SNX31: variants seen among roughly 807,000 people sequenced by gnomAD.
SNX31 encodes the protein sorting nexin 31.
Under a neutral mutation model 65.4 loss-of-function variants are expected in SNX31, and 58 were observed. The ratio of observed to expected loss-of-function variants is 0.89; its 90% CI spans 0.72 to 1.10. The LOEUF is 1.10. SNX31 is among the 50% of genes least tolerant of loss of function. The pLI is 0.00. For synonymous variants in SNX31, 181 were observed against 190.1 expected (o/e 0.95, Z 0.39); for missense variants, 523 against 529.7 (o/e 0.99, Z 0.12).
chr8:100,632,109 G>C (rs912479928), intron 3 of SNX31, among the ~76,000 whole-genome samples: 4 of 152,142 alleles, frequency 2.6e-5, no homozygotes, highest in African/African-American at 7.2e-5. Flanking sequence ...TTGACACTGG[G>C]TCTGATTTGA....
intron 9 of SNX31, among the ~76,000 whole-genome samples, chr8:100,597,310 C>T (rs969735697): frequency 6.6e-6 from 1 of 151,778 alleles, no homozygotes. Flanking sequence ...GGCACGATCT[C>T]GGCTCACTGC....
At chr8:100,579,114 T>G (rs542064312) in intron 12 of SNX31, among the ~76,000 whole-genome samples, 136 of 152,284 alleles carry the variant, frequency 8.9e-4, no homozygotes, top group African/African-American at 3.2e-3. Context: ...TATTATTATT[T>G]TACAGTGTTA....
intron 4 of SNX31, among the ~76,000 whole-genome samples, chr8:100,623,694 C>T (rs530530311): frequency 6.6e-6 from 1 of 152,290 alleles, no homozygotes; most frequent in Admixed American, 6.5e-5. Flanking sequence ...TTGTGCAATT[C>T]TCCTTCCAGA....
rs1809764950 is a variant in SNX31, at chr8:100,660,536, CCTGCAATGTCA to C, written c.-58+2595_-58+2605del. ...TTTTACACAAGAGATCAAACCAGGT[CCTGCAATGTCA>C]CTCAGCACGGGGCTCTAACTCAAGT... On this transcript the variant is annotated intron_variant, in intron 1 of 5. Coordinates refer to the SNX31 transcript ENST00000520352. This position sits in a 1 kb window ranked among gnomAD's most constrained non-coding sequence, Gnocchi z 4.1. Among the ~76,000 whole-genome samples the C allele has an allele frequency of 1.3e-5, 2 of 152,160 alleles. No individual in the cohort carries two copies. Among genetic ancestry groups the C allele is most frequent in the South Asian group, 4.1e-4 (2 of 4,836 alleles).
chr8:100,650,019 G>A (rs1172836602), upstream of SNX31, among the ~76,000 whole-genome samples: 2 of 151,904 alleles, frequency 1.3e-5, no homozygotes, highest in African/African-American at 2.4e-5. Flanking sequence ...CCTTGCTTTC[G>A]TATTATTCTT....
chr8:100,600,292 AAT>A (rs1191413729), intron 9 of SNX31, 55 bp downstream of exon 9: 25 of 1,434,542 alleles, frequency 1.7e-5, no homozygotes, highest in Non-Finnish European at 3.9e-6. Context: ...GTTCAATTCT[AAT>A]ATGTTTCTTT....
At chr8:100,640,659 G>A (rs1278707865) in intron 2 of SNX31, among the ~76,000 whole-genome samples, 1 of 152,188 alleles carries the variant, frequency 6.6e-6, no homozygotes, top group African/African-American at 2.4e-5. Context: ...TGTGATTAGT[G>A]CGGCACTTTA....
At chr8:100,617,852 C>G (rs1012122710) in intron 4 of SNX31, 122 bp from the exon 5 acceptor site, 22 of 771,648 alleles carry the variant, frequency 2.9e-5, no homozygotes, top group African/African-American at 2.7e-4. Context: ...GCAACCTCTG[C>G]CTCCTGGGTT....
At position 100,578,876 on chromosome 8, in the gene SNX31, C is replaced by T. The variant is rs1813270329; in HGVS notation, c.1171-1801G>A. ...AGCTAGGAATACAGGTACGCGCCAC[C>T]ATGCCCATCTAATTTTTGTATTTTT... On this transcript the variant is annotated intron_variant, in intron 12 of 13. Coordinates refer to ENST00000311812, the MANE Select transcript of SNX31 (RefSeq NM_152628.4). The surrounding 1 kb of genome is among the most constrained non-coding windows in gnomAD (Gnocchi z 4.7). Among the ~76,000 whole-genome samples the T allele has an allele frequency of 6.6e-6, 1 of 152,018 alleles. No homozygotes were observed. Among genetic ancestry groups the T allele is most frequent in the Non-Finnish European group, 1.5e-5 (1 of 68,004 alleles).
Position 100,602,259 on chromosome 8 carries a change from C to A in SNX31, c.682-1818G>T, listed in dbSNP as rs537188366. On this transcript the variant is annotated intron_variant, in intron 8 of 13. Coordinates refer to ENST00000311812, the MANE Select transcript of SNX31 (RefSeq NM_152628.4). ...TATTGGCAGGCTATGCTTTATCTCC[C>A]AGAGAAGAATGAAAAGCTAAATACG... Among the ~76,000 whole-genome samples, 13 of 152,316 alleles carry A rather than the reference C, an allele frequency of 8.5e-5. No individual in the cohort carries two copies. In the South Asian group the frequency reaches 2.7e-3, roughly 32 times the overall value.
intron 10 of SNX31, among the ~76,000 whole-genome samples, chr8:100,593,108 T>C (rs959763654): frequency 6.6e-6 from 1 of 152,220 alleles, no homozygotes; most frequent in Non-Finnish European, 1.5e-5. Context: ...ATTGTGGTGA[T>C]GGCTGCACAA....
intron 2 of SNX31, among the ~76,000 whole-genome samples, chr8:100,643,057 G>A (rs1819370218): frequency 6.6e-6 from 1 of 152,058 alleles, no homozygotes; most frequent in Non-Finnish European, 1.5e-5. Context: ...CAGGTGTGGT[G>A]GCAGGCACTT....
upstream of SNX31, among the ~76,000 whole-genome samples, chr8:100,652,071 C>T (rs181506487): frequency 6.6e-6 from 1 of 152,128 alleles, no homozygotes; most frequent in Non-Finnish European, 1.5e-5. Context: ...CTCCACCTCC[C>T]GGGTTCATGC....
chr8:100,645,673 G>A (rs1019204925), intron 2 of SNX31, among the ~76,000 whole-genome samples: 1 of 141,850 alleles, frequency 7.0e-6, no homozygotes, highest in Non-Finnish European at 1.5e-5. Context: ...GTGCAGTGGC[G>A]CAATCTGAGC....
intron 8 of SNX31, among the ~76,000 whole-genome samples, chr8:100,603,025 C>G (rs759703799): frequency 5.3e-5 from 8 of 151,988 alleles, no homozygotes; most frequent in Non-Finnish European, 7.4e-5. Flanking sequence ...GATGACCCAG[C>G]GAGTAAGTGG....
rs371449308 is a variant in SNX31 at position 100,578,729 on chromosome 8, A to ATT, written c.1171-1656_1171-1655dup. Among the ~76,000 whole-genome samples the ATT allele has an allele frequency of 1.4e-5, 2 of 142,778 alleles. No individual in the cohort carries two copies. The highest frequency in any genetic ancestry group is 3.0e-5 in the Non-Finnish European group (2 of 65,804). The allele number at this position is 142,778 out of a possible 152,430, so 93.7% of individuals were successfully genotyped here. A position where few individuals can be genotyped will look rare whatever the true frequency, so the allele number is the denominator to read the frequency against. On this transcript the variant is annotated intron_variant, in intron 12 of 13. Coordinates refer to ENST00000311812, the MANE Select transcript of SNX31 (RefSeq NM_152628.4). This position sits in a 1 kb window ranked among gnomAD's most constrained non-coding sequence, Gnocchi z 4.7. ...ATTTTATTTTATTTTATTTTATTTT[A>ATT]TTATTATTTTGAGACAGAGTCTCGC...
At position 100,630,381 on chromosome 8, in the gene SNX31, G is replaced by A. The variant is rs776395022; in HGVS notation, c.267C>T (p.Asp89=). 1.9e-6 allele frequency: 3 copies of A among 1,612,588 alleles called. No homozygotes were observed. Among genetic ancestry groups the A allele is most frequent in the Non-Finnish European group, 2.5e-6 (3 of 1,179,580 alleles). The change falls in exon 4 of 14, where the codon GAC becomes GAT. Residue 89 remains aspartate (D), a synonymous_variant. Transcript: ENST00000311812. This position sits in a 1 kb window ranked among gnomAD's most constrained non-coding sequence, Gnocchi z 5.3. Reference sequence around the variant, plus strand: ...AGACATCACTTCTCAACACGTTTGGGTCCATGGTTACTGAAAAACATGGAC... The same window carrying A: ...AGACATCACTTCTCAACACGTTTGGATCCATGGTTACTGAAAAACATGGAC... The part of the protein sequence containing the change: ...LEQYLQNVTM[D]PNVLRSDVFV...
Position 100,614,411 on chromosome 8 carries a change from G to A in SNX31, c.433-1326C>T, listed in dbSNP as rs765759047. Among the ~76,000 whole-genome samples, 3 of 152,150 alleles carry A rather than the reference G, an allele frequency of 2.0e-5. No homozygotes were observed. The highest frequency in any genetic ancestry group is 4.4e-5 in the Non-Finnish European group (3 of 68,030). ...CAAAAGGAGAATGAAGAAGCCTTTC[G>A]CATTCATAAAGACATAAATATAAAC... On this transcript the variant is annotated intron_variant, in intron 5 of 13. Coordinates refer to ENST00000311812, the MANE Select transcript of SNX31 (RefSeq NM_152628.4). The surrounding 1 kb of genome is among the most constrained non-coding windows in gnomAD (Gnocchi z 5.1).
At chr8:100,583,705 A>G (rs2130813011) in intron 12 of SNX31, among the ~76,000 whole-genome samples, 1 of 152,328 alleles carries the variant, frequency 6.6e-6, no homozygotes, top group South Asian at 2.1e-4. Context: ...TCAAGAAGCT[A>G]TGGATTCTTT....
Sources: gnomAD v4.1 joint callset for allele counts (sites outside exome capture counted in the v4.1 genomes callset) on GRCh38, gnomAD v4.1.1 for gene constraint, Gnocchi (gnomAD v3.1) non-coding constraint, MANE v1.5 for transcripts, NCBI Gene and HGNC (gene_info 2026-07-23, HGNC 2026-07-21) for gene names.